The following MSH6 variants were observed in gnomAD, a reference collection of about 807,000 sequenced individuals.
MSH6 encodes DNA mismatch repair protein Msh6.
A neutral mutation model predicts 119.1 loss-of-function variants in MSH6; 85 were observed. That is an observed-to-expected ratio of 0.71 (90% CI 0.60 to 0.85). MSH6 has a LOEUF of 0.85. MSH6 is among the 40% of genes least tolerant of loss of function. The probability of loss-of-function intolerance (pLI) is 0.00; values close to 1 mark genes in which losing one functional copy is unlikely to be tolerated. For synonymous variants in MSH6, 830 were observed against 586.9 expected, an observed-to-expected ratio of 1.41 and a Z score of -5.99; for missense variants, 2,163 against 1,655.3, an observed-to-expected ratio of 1.31 and a Z score of -5.32.
chr2:47,809,929 T>G (rs1670499306), downstream of MSH6: 1 of 528,048 alleles, frequency 1.9e-6, no homozygotes, highest in Non-Finnish European at 3.3e-6. Context: ...AACCTAACTG[T>G]CTTAAAGTTT....
rs1287985839 is a variant in MSH6, at chr2:47,800,479, G to T, written c.2496G>T (p.Leu832=). ...AAATTCATAATGTTGGGTCTCCCCT[G>T]AAGAGTCAGAACCACCCAGACAGCA... The part of the protein sequence containing the change: ...LSKIHNVGSP[L]KSQNHPDSRA... Residue 832 remains leucine (L), a synonymous_variant, in exon 4 of 10, where the codon CTG becomes CTT. Transcript: ENST00000234420. The T allele has an allele frequency of 1.2e-6, 2 of 1,613,274 alleles. No individual in the cohort carries two copies. Among genetic ancestry groups the T allele is most frequent in the East Asian group, 2.2e-5 (1 of 44,896 alleles).
intron 1 of MSH6, among the ~76,000 whole-genome samples, chr2:47,787,289 G>A (rs1193561388): frequency 6.6e-6 from 1 of 151,988 alleles, no homozygotes; most frequent in African/African-American, 2.4e-5. Flanking sequence ...GACCCTGTCT[G>A]CCAAAAAATA....
chr2:47,784,024 T>G, intron 1 of MSH6: 2 of 1,019,394 alleles, frequency 2.0e-6, no homozygotes, highest in Non-Finnish European at 1.2e-6. Context: ...GGGGCTCCAG[T>G]AGTCGATCGA....
rs182292083 is a variant in MSH6 at position 47,803,423 on chromosome 2, T to C, written c.3176T>C (p.Val1059Ala). 1 of 1,614,160 alleles carries C rather than the reference T, an allele frequency of 6.2e-7. No individual in the cohort carries two copies. Among genetic ancestry groups the C allele is most frequent in the East Asian group, 2.2e-5 (1 of 44,884 alleles). ...SAVECIAVLD[V>A]LLCLANYSRG... The stretch of plus-strand genomic sequence containing the variant: ...CTTTTACCCTCTCTTTTAACAGATG[T>C]TTTACTGTGCCTGGCTAACTATAGT... The change falls in exon 5 of 10, where the codon GTT becomes GCT. Residue 1059 changes from valine to alanine, a missense_variant. By Grantham distance (64) the Val-to-Ala change is moderately conservative. Transcript: ENST00000234420.
chr2:47,806,294 C>CAACTCACTACCATT lies in MSH6; in HGVS notation c.3738_3751dup (p.Ser1251Ter). The CAACTCACTACCATT allele has an allele frequency of 6.2e-7, 1 of 1,614,088 alleles. No homozygotes were observed. The highest frequency in any genetic ancestry group is 8.5e-7 in the Non-Finnish European group (1 of 1,179,944). On this transcript the variant is annotated frameshift_variant, in exon 8 of 10. Transcript: ENST00000234420. LOFTEE classifies it high-confidence loss of function. ...ACTATAAAATGTCGTACATTATTTT[C>CAACTCACTACCATT]AACTCACTACCATTCATTAGTAGAA...
chr2:47,793,373 TA>T (rs1396740259), intron 2 of MSH6, among the ~76,000 whole-genome samples: 1 of 139,332 alleles, frequency 7.2e-6, no homozygotes, highest in Non-Finnish European at 1.5e-5. Flanking sequence ...CTCGCGCCTG[TA>T]ATCCCAACAC....
chr2:47,784,320 A>G, intron 1 of MSH6: 5 of 871,892 alleles, frequency 5.7e-6, no homozygotes, highest in Non-Finnish European at 6.9e-6. Flanking sequence ...AAAATATTTT[A>G]TTTTATGAAA....
In MSH6 at chr2:47,799,954, G is replaced by C. The variant is rs1553413339; in HGVS notation, c.1971G>C (p.Gln657His). 1.9e-6 allele frequency: 3 copies of C among 1,614,108 alleles called. No homozygotes were observed. The highest frequency in any genetic ancestry group is 1.7e-5 in the Admixed American group (1 of 60,020). Reference protein sequence around the residue: ...LSDGIGVMLPQVLKGMTSESD... With the variant: ...LSDGIGVMLPHVLKGMTSESD... Reference sequence around the variant, plus strand: ...ATGGCATTGGGGTGATGTTACCCCAGGTGCTTAAAGGTATGACTTCAGAGT... The same window carrying C: ...ATGGCATTGGGGTGATGTTACCCCACGTGCTTAAAGGTATGACTTCAGAGT... Residue 657 changes from glutamine to histidine, a missense_variant, in exon 4 of 10, where the codon CAG becomes CAC. By Grantham distance (24) the Gln-to-His change is conservative. Coordinates refer to ENST00000234420, the MANE Select transcript of MSH6 (RefSeq NM_000179.3).
intron 9 of MSH6, 30 bp from the exon 10 acceptor site, chr2:47,806,749 A>T (rs762575178): frequency 6.8e-7 from 1 of 1,473,104 alleles, no homozygotes; most frequent in African/African-American, 1.6e-5. Context: ...AAAACAAAAA[A>T]ACTTTTTTTT....
chr2:47,786,628 C>G (rs1218831124), intron 1 of MSH6, among the ~76,000 whole-genome samples: 1 of 152,180 alleles, frequency 6.6e-6, no homozygotes, highest in Non-Finnish European at 1.5e-5. Flanking sequence ...ACCACCGCAC[C>G]TGGCCGTGAG....
chr2:47,783,774 G>C (rs1001869847), intron 1 of MSH6: 1 of 473,944 alleles, frequency 2.1e-6, no homozygotes, highest in African/African-American at 2.0e-5. Context: ...GACGCGTCCC[G>C]CCAGGTGGGG....
In MSH6 at chr2:47,806,282, G is replaced by T. The variant is rs63750119; in HGVS notation, c.3725G>T (p.Arg1242Leu). ...GAACTTGCTGAGACTATAAAATGTC[G>T]TACATTATTTTCAACTCACTACCAT... Reference protein sequence around the residue: ...VKELAETIKCRTLFSTHYHSL... With the variant: ...VKELAETIKCLTLFSTHYHSL... Residue 1242 changes from arginine to leucine, a missense_variant, in exon 8 of 10, where the codon CGT becomes CTT. Transcript: ENST00000234420. 1 of 1,613,772 alleles carries T rather than the reference G, an allele frequency of 6.2e-7. No individual in the cohort carries two copies. The highest frequency in any genetic ancestry group is 1.3e-5 in the African/African-American group (1 of 74,882).
chr2:47,800,398 C>T lies in MSH6; in HGVS notation c.2415C>T (p.Ile805=), dbSNP rs1219649543. 3 of 1,614,030 alleles carry T rather than the reference C, an allele frequency of 1.9e-6. No homozygotes were observed. The highest frequency in any genetic ancestry group is 2.2e-5 in the South Asian group (2 of 91,070). ...IEDLMVVPDK[I]SEVVELLKKL... The stretch of plus-strand genomic sequence containing the variant: ...ACCTCATGGTTGTGCCTGACAAAAT[C>T]TCCGAAGTTGTAGAGCTTCTAAAGA... The change falls in exon 4 of 10, where the codon ATC becomes ATT. Residue 805 remains isoleucine, a synonymous_variant. Transcript: ENST00000234420.
chr2:47,805,591 T>C (rs760071662), intron 6 of MSH6, 27 bp from the exon 7 acceptor site: 10 of 1,456,904 alleles, frequency 6.9e-6, no homozygotes, highest in South Asian at 1.1e-5. Flanking sequence ...AAAATGAGTA[T>C]TCATTTGTGA....
chr2:47,797,153 T>C (rs1244367799), intron 3 of MSH6, among the ~76,000 whole-genome samples: 1 of 152,218 alleles, frequency 6.6e-6, no homozygotes, highest in Non-Finnish European at 1.5e-5. Context: ...AGCATTAGTG[T>C]ATTTTATGTG....
intron 2 of MSH6, among the ~76,000 whole-genome samples, chr2:47,794,205 G>A (rs1020893364): frequency 2.0e-5 from 3 of 151,800 alleles, no homozygotes; most frequent in Admixed American, 1.3e-4. Flanking sequence ...GCCAGGCATG[G>A]TGACACATGC....
At chr2:47,797,972 C>T (rs992570299) in intron 3 of MSH6, 9 of 204,064 alleles carry the variant, frequency 4.4e-5, no homozygotes, top group Admixed American at 4.7e-5. Flanking sequence ...AGTCGACTTA[C>T]CCCCCATACC....
At position 47,783,188 on chromosome 2, in the gene MSH6, T is replaced by G. The variant is rs748339592; in HGVS notation, c.-46T>G. ...AGCCGCGCGGTAGATGCGGTGCTTT[T>G]AGGAGCTCCGTCCGACAGAACGGTT... On this transcript the variant is annotated 5_prime_UTR_variant, in exon 1 of 10. The change abolishes the stop of an existing upstream ORF in the 5' untranslated region. Transcript: ENST00000234420. The G allele has an allele frequency of 6.8e-6, 11 of 1,607,792 alleles. No individual in the cohort carries two copies. In the South Asian group the frequency reaches 1.2e-4, roughly 18 times the overall value.
chr2:47,803,718 G>C (rs200801405), intron 5 of MSH6, 33 bp downstream of exon 5: 3 of 1,613,296 alleles, frequency 1.9e-6, no homozygotes, highest in East Asian at 2.2e-5. Context: ...TTATCAGAAA[G>C]TCATTTGTGA....
Sources: gnomAD v4.1 joint callset for allele counts (sites outside exome capture counted in the v4.1 genomes callset) on GRCh38, gnomAD v4.1.1 for gene constraint, MANE v1.5 for transcripts, NCBI Gene and HGNC (gene_info 2026-07-23, HGNC 2026-07-21) for gene names.